TNFRSF8: variants seen among roughly 807,000 people sequenced by gnomAD.
TNFRSF8 encodes the protein TNF receptor superfamily member 8, also known as tumor necrosis factor receptor superfamily member 8.
Under a neutral mutation model 70.8 loss-of-function variants are expected in TNFRSF8, and 26 were observed. That is an observed-to-expected ratio of 0.37 (90% CI 0.27 to 0.51). TNFRSF8 has a LOEUF of 0.51. Among genes scored for constraint, TNFRSF8 ranks in the 20% least tolerant of loss-of-function variants. The pLI is 0.94. For synonymous variants in TNFRSF8, 356 were observed against 339.2 expected (o/e 1.05, Z -0.54); for missense variants, 720 against 807.9 (o/e 0.89, Z 1.32).
Position 12,068,221 on chromosome 1 carries a change from C to T in TNFRSF8, c.63+4560C>T, listed in dbSNP as rs148398255. On this transcript the variant is annotated intron_variant, in intron 1 of 14. Transcript: ENST00000263932. ...GGCTGAAGGATGACTGTGTCTGGCCCGGGGGAGTCCTGGAGGCTTGAGGGT... is the reference window on the plus strand; with the variant it reads ...GGCTGAAGGATGACTGTGTCTGGCCTGGGGGAGTCCTGGAGGCTTGAGGGT... 1.2e-3 allele frequency among the ~76,000 whole-genome samples: 177 copies of T among 152,146 alleles called. No homozygotes were observed. In the Middle Eastern group the frequency reaches 0.014, roughly 12 times the overall value.
chr1:12,118,587 C>T (rs1415107037), intron 8 of TNFRSF8, among the ~76,000 whole-genome samples: 3 of 152,152 alleles, frequency 2.0e-5, no homozygotes, highest in Admixed American at 6.5e-5. Context: ...GAAAAATTCA[C>T]GAAGTCGTTA....
intron 12 of TNFRSF8, among the ~76,000 whole-genome samples, chr1:12,127,988 C>T (rs937789547): frequency 1.3e-5 from 2 of 152,110 alleles, no homozygotes; most frequent in African/African-American, 4.8e-5. Flanking sequence ...GTCTGGGTTC[C>T]GAGGCTCAAG....
At chr1:12,099,333 TG>T (rs1641380916) in intron 3 of TNFRSF8, among the ~76,000 whole-genome samples, 1 of 151,962 alleles carries the variant, frequency 6.6e-6, no homozygotes, top group African/African-American at 2.4e-5. Flanking sequence ...TTAGAAGAGA[TG>T]GGGTTTCATC....
At chr1:12,082,991 G>A (rs1281364416) in intron 1 of TNFRSF8, among the ~76,000 whole-genome samples, 4 of 151,832 alleles carry the variant, frequency 2.6e-5, no homozygotes, top group Admixed American at 2.6e-4. Flanking sequence ...AAAAAAAATG[G>A]CCACAAGACC....
chr1:12,141,789 G>T lies in TNFRSF8; in HGVS notation c.1544-498G>T, dbSNP rs888906839. Among the ~76,000 whole-genome samples, 6 of 151,802 alleles carry T rather than the reference G, an allele frequency of 4.0e-5. No individual in the cohort carries two copies. Among genetic ancestry groups the T allele is most frequent in the African/African-American group, 1.5e-4 (6 of 41,320 alleles). ...CAGGCGGAGTGGGTGGTTTTTTTTT[G>T]GGGGATTTCTCCTAACTACGTGGCG... On this transcript the variant is annotated intron_variant, in intron 14 of 14. Coordinates refer to ENST00000263932, the MANE Select transcript of TNFRSF8 (RefSeq NM_001243.5). This position sits in a 1 kb window ranked among gnomAD's most constrained non-coding sequence, Gnocchi z 5.4.
Position 12,084,510 on chromosome 1 carries a change from A to G in TNFRSF8, c.110A>G (p.Tyr37Cys). The change falls in exon 2 of 15, where the codon TAT becomes TGT. Residue 37 changes from tyrosine to cysteine, a missense_variant. Coordinates refer to ENST00000263932, the MANE Select transcript of TNFRSF8 (RefSeq NM_001243.5). ...DTCHGNPSHY[Y>C]DKAVRRCCYR... ...TGTCATGGAAACCCCAGCCACTACT[A>G]TGACAAGGCTGTCAGGAGGTGCTGT... is the stretch of plus-strand genomic sequence containing the variant. 1 of 1,613,430 alleles carries G rather than the reference A, an allele frequency of 6.2e-7. No homozygotes were observed. The highest frequency in any genetic ancestry group is 8.5e-7 in the Non-Finnish European group (1 of 1,179,684).
At chr1:12,116,715 G>A (rs753010622) in intron 8 of TNFRSF8, among the ~76,000 whole-genome samples, 3 of 152,070 alleles carry the variant, frequency 2.0e-5, no homozygotes, top group South Asian at 4.1e-4. Context: ...CAGGAGAATC[G>A]CTTGAACCCG....
At chr1:12,120,693 A>G (rs1388948264) in intron 8 of TNFRSF8, among the ~76,000 whole-genome samples, 1 of 152,186 alleles carries the variant, frequency 6.6e-6, no homozygotes, top group Non-Finnish European at 1.5e-5. Context: ...GAGGCTGAGT[A>G]GGCAGGTTCT....
chr1:12,117,298 G>A (rs925218140), intron 8 of TNFRSF8, among the ~76,000 whole-genome samples: 1 of 152,066 alleles, frequency 6.6e-6, no homozygotes, highest in Non-Finnish European at 1.5e-5. Context: ...GGCCAGGCTG[G>A]TCTGGAACTC....
chr1:12,123,338 A>G lies in TNFRSF8; in HGVS notation c.1001A>G (p.Asp334Gly), dbSNP rs776016553. ...FEAPPLGTQP[D>G]CNPTPENGEA... ...GCGCCACCCCTGGGGACCCAGCCGGACTGCAACCCCACCCCAGAGAATGGC... is the reference window on the plus strand; with the variant it reads ...GCGCCACCCCTGGGGACCCAGCCGGGCTGCAACCCCACCCCAGAGAATGGC... The change falls in exon 9 of 15, where the codon GAC becomes GGC. Residue 334 changes from aspartate to glycine, a missense_variant. Physicochemically the swap from Asp to Gly is moderately conservative, Grantham distance 94 (BLOSUM62 -1). Transcript: ENST00000263932. The G allele has an allele frequency of 5.0e-6, 8 of 1,613,290 alleles. No individual in the cohort carries two copies. Among genetic ancestry groups the G allele is most frequent in the African/African-American group, 1.3e-5 (1 of 74,910 alleles).
chr1:12,073,202 T>C lies in TNFRSF8; in HGVS notation c.63+9541T>C, dbSNP rs1447175198. Among the ~76,000 whole-genome samples the C allele has an allele frequency of 2.6e-5, 4 of 152,156 alleles. No homozygotes were observed. The East Asian group carries it at 5.8e-4, about 22-fold the overall frequency. On this transcript the variant is annotated intron_variant, in intron 1 of 14. Coordinates refer to ENST00000263932, the MANE Select transcript of TNFRSF8 (RefSeq NM_001243.5). Reference sequence around the variant, plus strand: ...TGAGCCCAGGAGGTCAAGGCTGTAGTGAGCCGTGTTCATGATCGCAGGACT... The same window carrying C: ...TGAGCCCAGGAGGTCAAGGCTGTAGCGAGCCGTGTTCATGATCGCAGGACT...
At chr1:12,095,526 G>T (rs1056006099) in intron 2 of TNFRSF8, among the ~76,000 whole-genome samples, 1 of 152,190 alleles carries the variant, frequency 6.6e-6, no homozygotes, top group Non-Finnish European at 1.5e-5. Context: ...GACCTTATGT[G>T]ATTCACCCAC....
rs185871872 is a variant in TNFRSF8, at chr1:12,091,886, A to T, written c.152-5215A>T. On this transcript the variant is annotated intron_variant, in intron 2 of 14. Transcript: ENST00000263932. ...GTCTCATGAGGAGCATGCAACCTAG[A>T]TCCCTTGCACGTGCAGTTCACAATA... Among the ~76,000 whole-genome samples, 967 of 152,272 alleles carry T rather than the reference A, an allele frequency of 6.4e-3. 9 individuals are homozygous for T. The highest frequency in any genetic ancestry group is 0.027 in the Middle Eastern group (8 of 294).
intron 12 of TNFRSF8, among the ~76,000 whole-genome samples, chr1:12,127,734 T>C (rs1641967654): frequency 6.7e-6 from 1 of 148,392 alleles, no homozygotes; most frequent in Admixed American, 6.7e-5. Context: ...GCTGAGTGTC[T>C]CATTGAAACC....
At position 12,104,478 on chromosome 1, in the gene TNFRSF8, C is replaced by T. The variant is rs373599810; in HGVS notation, c.368C>T (p.Ala123Val). Residue 123 changes from alanine to valine, a missense_variant, in exon 4 of 15, where the codon GCC (alanine) becomes GTC (valine). Ala to Val is a moderately conservative substitution (Grantham distance 64, BLOSUM62 0). Coordinates refer to ENST00000263932, the MANE Select transcript of TNFRSF8 (RefSeq NM_001243.5). ...TCCACGTCTGCCGTCAACTCCTGTG[C>T]CCGCTGCTTCTTCCATTCTGTCTGT... ...FCSTSAVNSC[A>V]RCFFHSVCPA... The T allele has an allele frequency of 6.2e-7, 1 of 1,614,222 alleles. No homozygotes were observed. The highest frequency in any genetic ancestry group is 1.7e-5 in the Admixed American group (1 of 60,018).
In TNFRSF8 at chr1:12,117,015, G is replaced by A. The variant is rs371730286; in HGVS notation, c.946+1286G>A. On this transcript the variant is annotated intron_variant, in intron 8 of 14. Transcript: ENST00000263932. ...ACACAACTTCAAAATGTATTACAAT[G>A]GCATGGCATGGCCACTGACCAGTTT... Among the ~76,000 whole-genome samples the A allele has an allele frequency of 1.7e-4, 26 of 152,234 alleles. 1 individual carries two copies. In the South Asian group the frequency reaches 5.4e-3, roughly 32 times the overall value.
intron 1 of TNFRSF8, among the ~76,000 whole-genome samples, chr1:12,079,259 C>T (rs1277913973): frequency 6.6e-6 from 1 of 152,146 alleles, no homozygotes; most frequent in African/African-American, 2.4e-5. Context: ...TTTAGGCCAC[C>T]CTCTCTTTAT....
At chr1:12,122,775 C>G (rs774997073) in intron 8 of TNFRSF8, among the ~76,000 whole-genome samples, 3 of 152,172 alleles carry the variant, frequency 2.0e-5, no homozygotes, top group Non-Finnish European at 2.9e-5. Flanking sequence ...AAAGGTCTAG[C>G]GTCACTGTTT....
chr1:12,069,170 C>CGT (rs1640794408), intron 1 of TNFRSF8, among the ~76,000 whole-genome samples: 4 of 53,548 alleles, frequency 7.5e-5, no homozygotes, highest in Non-Finnish European at 1.3e-4. Flanking sequence ...TGCACCCGGC[C>CGT]TTTTTTTTTT....
Sources: allele counts gnomAD v4.1 joint callset (sites outside exome capture counted in the v4.1 genomes callset), GRCh38; gene constraint gnomAD v4.1.1; non-coding constraint Gnocchi (gnomAD v3.1); transcripts MANE v1.5; gene names NCBI Gene and HGNC (gene_info 2026-07-23, HGNC 2026-07-21).